The following BMS1 variants were observed in gnomAD, a reference collection of about 807,000 sequenced individuals.
BMS1 encodes the protein ribosome biogenesis protein BMS1 homolog.
In BMS1, 53 loss-of-function variants were observed where a neutral mutation model predicts 138.7. The ratio of observed to expected loss-of-function variants is 0.38; its 90% CI spans 0.31 to 0.48. The LOEUF is 0.48. BMS1 is among the 20% of genes least tolerant of loss of function. The pLI is 0.97. For missense variants in BMS1, 1,360 were observed against 1,565.5 expected, an observed-to-expected ratio of 0.87 and a Z score of 2.22; for synonymous variants, 504 against 539.9, an observed-to-expected ratio of 0.93 and a Z score of 0.92.
At chr10:42,795,562 C>A (rs907543175) in intron 9 of BMS1, among the ~76,000 whole-genome samples, 1 of 151,820 alleles carries the variant, frequency 6.6e-6, no homozygotes, top group African/African-American at 2.4e-5. Context: ...CTCAAGCAAT[C>A]CTCCTGCCTT....
intron 13 of BMS1, among the ~76,000 whole-genome samples, chr10:42,805,479 A>G (rs980529376): frequency 1.3e-5 from 2 of 152,118 alleles, no homozygotes; most frequent in African/African-American, 4.8e-5. Flanking sequence ...GGTTCTTTGC[A>G]TTTTCATATA....
intron 9 of BMS1, among the ~76,000 whole-genome samples, chr10:42,796,074 A>G (rs1841674209): frequency 6.6e-6 from 1 of 152,230 alleles, no homozygotes; most frequent in Non-Finnish European, 1.5e-5. Flanking sequence ...AAGAGGATCC[A>G]GGCTCATTTT....
At chr10:42,828,842 G>A (rs1415104116) in intron 21 of BMS1, among the ~76,000 whole-genome samples, 3 of 152,246 alleles carry the variant, frequency 2.0e-5, no homozygotes, top group African/African-American at 4.8e-5. Context: ...ATATAAAGTA[G>A]TTAATGAAAT....
rs370679442 is a variant in BMS1, at chr10:42,833,350, G to C, written c.*2254G>C. ...ATTGGTGAAGGTTCCACCTGGCCAG[G>C]TTAGTAAAATACAGTCACACATCAG... is the stretch of plus-strand genomic sequence containing the variant. On this transcript the variant is annotated 3_prime_UTR_variant, in exon 23 of 23. Transcript: ENST00000374518. 1.2e-4 allele frequency: 18 copies of C among 152,204 alleles called. No individual in the cohort carries two copies. Among genetic ancestry groups the C allele is most frequent in the African/African-American group, 3.9e-4 (16 of 41,460 alleles). 9.4% of individuals were successfully genotyped at this position (152,204 alleles called of 1,614,324 possible).
intron 13 of BMS1, among the ~76,000 whole-genome samples, chr10:42,809,351 A>AC (rs1842101162): frequency 6.6e-6 from 1 of 151,998 alleles, no homozygotes; most frequent in Non-Finnish European, 1.5e-5. Flanking sequence ...CTACACAGAC[A>AC]GTTGTGTAGA....
chr10:42,831,701 A>G lies in BMS1; in HGVS notation c.*605A>G, dbSNP rs1842802337. ...TTTCATATGTTCTGCACATTAGTAT[A>G]GTGACAAGGTAACAGTAAGTACTTT... On this transcript the variant is annotated 3_prime_UTR_variant, in exon 23 of 23. Transcript: ENST00000374518. The G allele has an allele frequency of 6.5e-6, 1 of 153,050 alleles. No individual in the cohort carries two copies. Among genetic ancestry groups the G allele is most frequent in the Non-Finnish European group, 1.5e-5 (1 of 68,682 alleles). The allele number at this position is 153,050 out of a possible 1,614,324, so 9.5% of individuals were successfully genotyped here. A position where few individuals can be genotyped will look rare whatever the true frequency, so the allele number is the denominator to read the frequency against.
intron 13 of BMS1, among the ~76,000 whole-genome samples, chr10:42,809,699 T>C (rs1325307827): frequency 6.6e-6 from 1 of 152,242 alleles, no homozygotes; most frequent in African/African-American, 2.4e-5. Flanking sequence ...TGATTGGATG[T>C]TGAATTTTGT....
intron 13 of BMS1, among the ~76,000 whole-genome samples, chr10:42,814,179 C>T (rs1842268696): frequency 6.6e-6 from 1 of 152,198 alleles, no homozygotes; most frequent in Admixed American, 6.5e-5. Context: ...TAGTTATTTG[C>T]ATGCTTTTGC....
At chr10:42,816,996 T>C (rs1842368046) in intron 14 of BMS1, among the ~76,000 whole-genome samples, 1 of 152,202 alleles carries the variant, frequency 6.6e-6, no homozygotes, top group Admixed American at 6.5e-5. Flanking sequence ...TTTAAAAGAA[T>C]GAAGTCCCTG....
chr10:42,814,636 G>C (rs1842285648), intron 13 of BMS1, among the ~76,000 whole-genome samples: 1 of 152,140 alleles, frequency 6.6e-6, no homozygotes, highest in African/African-American at 2.4e-5. Context: ...GTAGGTCCTG[G>C]TCTACTTTGT....
chr10:42,796,425 G>A (rs1841683135), intron 9 of BMS1, 49 bp from the exon 10 acceptor site: 1 of 1,537,770 alleles, frequency 6.5e-7, no homozygotes, highest in African/African-American at 1.4e-5. Flanking sequence ...TTCTAGATTA[G>A]CTGATTAATG....
chr10:42,792,878 C>T (rs1161829567), intron 7 of BMS1, 79 bp from the exon 8 acceptor site: 36 of 1,475,714 alleles, frequency 2.4e-5, no homozygotes, highest in South Asian at 2.1e-4. Flanking sequence ...GACTGTGGAT[C>T]ATATTTAACC....
intron 11 of BMS1, 71 bp from the exon 12 acceptor site, chr10:42,798,397 T>C: frequency 6.3e-7 from 1 of 1,581,342 alleles, no homozygotes; most frequent in Non-Finnish European, 8.7e-7. Flanking sequence ...ATGGCCTAAC[T>C]GGTTGAAAAT....
At chr10:42,799,857 T>C (rs1160229703) in intron 12 of BMS1, among the ~76,000 whole-genome samples, 1 of 152,244 alleles carries the variant, frequency 6.6e-6, no homozygotes, top group East Asian at 1.9e-4. Context: ...TTACTGTTTT[T>C]CAGTCTATCT....
chr10:42,806,100 C>A (rs912745847), intron 13 of BMS1, among the ~76,000 whole-genome samples: 7 of 152,106 alleles, frequency 4.6e-5, no homozygotes, highest in Non-Finnish European at 1.0e-4. Flanking sequence ...TAAGTAAATA[C>A]TTCTTACTAT....
chr10:42,819,922 G>A (rs1842452770), intron 15 of BMS1, among the ~76,000 whole-genome samples: 1 of 152,098 alleles, frequency 6.6e-6, no homozygotes, highest in African/African-American at 2.4e-5. Flanking sequence ...CTCCTGAGTA[G>A]CTGGGACTAC....
At chr10:42,818,763 G>A (rs1842420575) in intron 15 of BMS1, among the ~76,000 whole-genome samples, 2 of 152,184 alleles carry the variant, frequency 1.3e-5, no homozygotes, top group East Asian at 1.9e-4. Flanking sequence ...TTAACGCTGT[G>A]AGGTGGCCGG....
rs1842844359 is a variant in BMS1, at chr10:42,834,534, C to G, written c.*3438C>G. On this transcript the variant is annotated 3_prime_UTR_variant, in exon 23 of 23. Transcript: ENST00000374518. ...TTTTACTTGTGTCTCCTTAGTTTTA[C>G]CTAGTTTATTTCATGGTTTTAAAGT... 1 of 151,932 alleles carries G rather than the reference C, an allele frequency of 6.6e-6. No individual in the cohort carries two copies. The highest frequency in any genetic ancestry group is 1.5e-5 in the Non-Finnish European group (1 of 67,992). 9.4% of individuals were successfully genotyped at this position (151,932 alleles called of 1,614,324 possible).
At position 42,794,001 on chromosome 10, in the gene BMS1, C is replaced by T; in HGVS notation, c.1229+10C>T. The T allele has an allele frequency of 6.2e-7, 1 of 1,610,266 alleles. No homozygotes were observed. Among genetic ancestry groups the T allele is most frequent in the Middle Eastern group, 2.3e-4 (1 of 4,416 alleles). Reference sequence around the variant, plus strand: ...ATATAGATAATCAAGGGTAAGTCTGCTTTTTTTCTATTTTTAATAAAAAGA... The same window carrying T: ...ATATAGATAATCAAGGGTAAGTCTGTTTTTTTTCTATTTTTAATAAAAAGA... On this transcript the variant is annotated intron_variant, in intron 9 of 22. Coordinates refer to ENST00000374518, the MANE Select transcript of BMS1 (RefSeq NM_014753.4).
Sources: gnomAD v4.1 joint callset for allele counts (sites outside exome capture counted in the v4.1 genomes callset) on GRCh38, gnomAD v4.1.1 for gene constraint, MANE v1.5 for transcripts, NCBI Gene and HGNC (gene_info 2026-07-23, HGNC 2026-07-21) for gene names.